COBLL1: variants seen among roughly 807,000 people sequenced by gnomAD.
COBLL1 encodes the protein cordon-bleu WH2 repeat protein like 1.
Under a neutral mutation model 94.8 loss-of-function variants are expected in COBLL1, and 50 were observed. That is an observed-to-expected ratio of 0.53 (90% CI 0.42 to 0.67). The LOEUF (loss-of-function observed/expected upper bound fraction) is 0.67. Ranked by LOEUF, COBLL1 falls within the 30% of genes least tolerant of loss-of-function variation. The pLI is 0.00. For missense variants in COBLL1, 1,362 were observed against 1,348.7 expected (o/e 1.01, Z -0.15); for synonymous variants, 448 against 473.8 (o/e 0.95, Z 0.71).
intron 2 of COBLL1, among the ~76,000 whole-genome samples, chr2:164,748,343 C>G (rs989292517): frequency 2.6e-5 from 4 of 152,062 alleles, no homozygotes; most frequent in African/African-American, 9.6e-5. Flanking sequence ...CTCACATTCT[C>G]CTAACATTAA....
At position 164,722,316 on chromosome 2, in the gene COBLL1, TA is replaced by T; in HGVS notation, c.760-6del. On this transcript the variant is annotated splice_polypyrimidine_tract_variant and splice_region_variant and intron_variant, in intron 6 of 13. Coordinates refer to ENST00000652658, the MANE Select transcript of COBLL1 (RefSeq NM_001365672.2). ...GGTTGCAGGGGCACTTGCAGTCTAGTAAAGAATGACAAAGACAAAATCTAGT... is the reference window on the plus strand; with the variant it reads ...GGTTGCAGGGGCACTTGCAGTCTAGTAAGAATGACAAAGACAAAATCTAGT... The T allele has an allele frequency of 1.2e-6, 2 of 1,608,856 alleles. No individual in the cohort carries two copies. Among genetic ancestry groups the T allele is most frequent in the Non-Finnish European group, 1.7e-6 (2 of 1,176,538 alleles).
intron 3 of COBLL1, among the ~76,000 whole-genome samples, chr2:164,731,791 G>A (rs114544302): frequency 6.6e-6 from 1 of 152,160 alleles, no homozygotes; most frequent in Non-Finnish European, 1.5e-5. Flanking sequence ...ACAGGGAAAT[G>A]GGGCTAGAAA....
chr2:164,791,576 T>C (rs1027888999), intron 2 of COBLL1, among the ~76,000 whole-genome samples: 10 of 152,208 alleles, frequency 6.6e-5, no homozygotes, highest in South Asian at 4.1e-4. Flanking sequence ...ACCAACTGTC[T>C]TCCTGCGTGC....
chr2:164,740,694 T>G (rs1375763084), intron 3 of COBLL1, among the ~76,000 whole-genome samples: 2 of 152,194 alleles, frequency 1.3e-5, no homozygotes, highest in Non-Finnish European at 2.9e-5. Flanking sequence ...GCTCTGTGGT[T>G]TCTTCAAAAG....
At chr2:164,710,841 G>A (rs765648655) in intron 7 of COBLL1, among the ~76,000 whole-genome samples, 25 of 152,030 alleles carry the variant, frequency 1.6e-4, no homozygotes, top group Non-Finnish European at 2.4e-4. Context: ...GAGATTATAC[G>A]CGTGAGCCAC....
At position 164,841,774 on chromosome 2, in the gene COBLL1, C is replaced by G. The variant is rs1386550560; in HGVS notation, c.-115G>C. 7.1e-6 allele frequency: 4 copies of G among 560,702 alleles called. No individual in the cohort carries two copies. Among genetic ancestry groups the G allele is most frequent in the Non-Finnish European group, 9.3e-6 (3 of 322,820 alleles). 34.7% of individuals were successfully genotyped at this position (560,702 alleles called of 1,614,324 possible). ...TCGCGGCTTCCTCTCCTACTCTTCCCTTCCCCGGCCCGCGCTCTTGCCGCT... is the reference window on the plus strand; with the variant it reads ...TCGCGGCTTCCTCTCCTACTCTTCCGTTCCCCGGCCCGCGCTCTTGCCGCT... On this transcript the variant is annotated 5_prime_UTR_variant, in exon 1 of 14. Coordinates refer to ENST00000652658, the MANE Select transcript of COBLL1 (RefSeq NM_001365672.2). The surrounding 1 kb of genome is among the most constrained non-coding windows in gnomAD (Gnocchi z 5.5).
intron 2 of COBLL1, among the ~76,000 whole-genome samples, chr2:164,756,477 T>A (rs891923566): frequency 5.9e-5 from 9 of 152,300 alleles, no homozygotes; most frequent in African/African-American, 2.2e-4. Context: ...GCTTATAATA[T>A]CTAAAATAGT....
rs187104278 is a variant in COBLL1 at position 164,741,800 on chromosome 2, A to C, written c.230+1887T>G. 5.9e-5 allele frequency among the ~76,000 whole-genome samples: 9 copies of C among 152,266 alleles called. No individual in the cohort carries two copies. The East Asian group carries it at 1.7e-3, about 29-fold the overall frequency. On this transcript the variant is annotated intron_variant, in intron 3 of 13. Coordinates refer to ENST00000652658, the MANE Select transcript of COBLL1 (RefSeq NM_001365672.2). ...ATGTAGGTGAAATATCTGATGCAGA[A>C]TCTATCAGGTATGAAGAAAAAATAC...
At chr2:164,800,240 A>G (rs1683696985) in intron 2 of COBLL1, among the ~76,000 whole-genome samples, 3 of 152,352 alleles carry the variant, frequency 2.0e-5, no homozygotes, top group South Asian at 2.1e-4. Flanking sequence ...GTAAGAAAAC[A>G]GCCCAAATTA....
chr2:164,720,447 G>A (rs1685387581), intron 7 of COBLL1, among the ~76,000 whole-genome samples: 1 of 152,076 alleles, frequency 6.6e-6, no homozygotes, highest in Non-Finnish European at 1.5e-5. Context: ...TACAAAGGAA[G>A]TTTACTGAAA....
At chr2:164,723,823 C>T (rs939790716) in intron 5 of COBLL1, 2 of 151,460 alleles carry the variant, frequency 1.3e-5, no homozygotes, top group Admixed American at 6.6e-5. Flanking sequence ...TTTTGAATCT[C>T]ACTCTGTCGC....
In COBLL1 at chr2:164,841,748, C is replaced by T; in HGVS notation, c.-89G>A. The T allele has an allele frequency of 1.9e-6, 1 of 537,804 alleles. No individual in the cohort carries two copies. Among genetic ancestry groups the T allele is most frequent in the African/African-American group, 2.0e-5 (1 of 49,480 alleles). The allele number at this position is 537,804 out of a possible 1,614,324, so 33.3% of individuals were successfully genotyped here. On this transcript the variant is annotated 5_prime_UTR_variant, in exon 1 of 14. Transcript: ENST00000652658. The surrounding 1 kb of genome is among the most constrained non-coding windows in gnomAD (Gnocchi z 5.5). ...GGAGACAGTAGCTCGCCTGTTCTCC[C>T]TCGCGGCTTCCTCTCCTACTCTTCC...
intron 2 of COBLL1, among the ~76,000 whole-genome samples, chr2:164,793,254 T>C (rs775858012): frequency 1.3e-5 from 2 of 151,840 alleles, no homozygotes; most frequent in African/African-American, 2.4e-5. Flanking sequence ...GAACAAAACA[T>C]GATAGTGGTT....
At chr2:164,687,215 T>C in intron 13 of COBLL1, 1 of 249,788 alleles carries the variant, frequency 4.0e-6, no homozygotes, top group Non-Finnish European at 7.6e-6. Flanking sequence ...CTTTCTTTCT[T>C]TTTTTTTTTT....
At chr2:164,798,520 A>G (rs1283322836) in intron 2 of COBLL1, among the ~76,000 whole-genome samples, 1 of 152,228 alleles carries the variant, frequency 6.6e-6, no homozygotes, top group Admixed American at 6.5e-5. Flanking sequence ...TACTTAAATG[A>G]GATCATAAAT....
At position 164,734,768 on chromosome 2, in the gene COBLL1, C is replaced by T. The variant is rs557616161; in HGVS notation, c.231-4653G>A. ...AAAGTGGCAGTGTTGCTGAAAGTAA[C>T]CAACAGGAGACCTAAAATGCAAATT... On this transcript the variant is annotated intron_variant, in intron 3 of 13. Coordinates refer to ENST00000652658, the MANE Select transcript of COBLL1 (RefSeq NM_001365672.2). Among the ~76,000 whole-genome samples the T allele has an allele frequency of 1.4e-4, 22 of 152,200 alleles. No individual in the cohort carries two copies. In the South Asian group the frequency reaches 1.7e-3, roughly 11 times the overall value.
At chr2:164,759,865 A>G (rs2105613239) in intron 2 of COBLL1, among the ~76,000 whole-genome samples, 1 of 152,326 alleles carries the variant, frequency 6.6e-6, no homozygotes, top group African/African-American at 2.4e-5. Flanking sequence ...CTACCACTAC[A>G]CACCTAAATT....
chr2:164,676,246 C>T (rs1691333780), downstream of COBLL1, among the ~76,000 whole-genome samples: 1 of 152,012 alleles, frequency 6.6e-6, no homozygotes, highest in South Asian at 2.1e-4. Flanking sequence ...CTGGGATGTG[C>T]CTTTATATCT....
intron 7 of COBLL1, among the ~76,000 whole-genome samples, chr2:164,706,625 TA>T (rs1275403847): frequency 3.9e-5 from 6 of 152,160 alleles, no homozygotes; most frequent in African/African-American, 1.2e-4. Flanking sequence ...CCTGTCTTAG[TA>T]AAGAACAAGT....
Sources: allele counts gnomAD v4.1 joint callset (sites outside exome capture counted in the v4.1 genomes callset), GRCh38; gene constraint gnomAD v4.1.1; non-coding constraint Gnocchi (gnomAD v3.1); transcripts MANE v1.5; gene names NCBI Gene and HGNC (gene_info 2026-07-23, HGNC 2026-07-21).